Variants in PTPRM observed in about 807,000 individuals in gnomAD.
PTPRM encodes the protein protein tyrosine phosphatase receptor type M.
A neutral mutation model predicts 186.7 loss-of-function variants in PTPRM; 47 were observed. That is an observed-to-expected ratio of 0.25 (90% confidence interval 0.20 to 0.32). The LOEUF (loss-of-function observed/expected upper bound fraction) is 0.32, where lower values mean the gene tolerates loss of function less well. PTPRM is among the 10% of genes least tolerant of loss of function. The pLI is 1.00. For synonymous variants in PTPRM, 668 were observed against 674.9 expected (o/e 0.99, Z 0.16); for missense variants, 1,494 against 1,865.0 (o/e 0.80, Z 3.66).
In PTPRM at chr18:7,612,398, C is replaced by G. The variant is rs548227662; in HGVS notation, c.73+44507C>G. On this transcript the variant is annotated intron_variant, in intron 1 of 32. Transcript: ENST00000580170. ...TTTCACTGCATCAGATAATTTAAGT[C>G]TACGTTCTGGGCATTCCTCATGCCG... 3.3e-5 allele frequency among the ~76,000 whole-genome samples: 5 copies of G among 152,182 alleles called. No homozygotes were observed. In the South Asian group the frequency reaches 1.0e-3, roughly 32 times the overall value.
chr18:7,922,457 A>C (rs1424646772), intron 4 of PTPRM, among the ~76,000 whole-genome samples: 3 of 152,186 alleles, frequency 2.0e-5, no homozygotes, highest in African/African-American at 7.2e-5. Flanking sequence ...AATAGTGGGG[A>C]AATTGTTTAC....
chr18:8,258,963 G>T (rs1430260551), intron 19 of PTPRM, among the ~76,000 whole-genome samples: 1 of 151,064 alleles, frequency 6.6e-6, no homozygotes, highest in Non-Finnish European at 1.5e-5. Flanking sequence ...TGTTTGTTTT[G>T]TTTTTGAGAC....
chr18:8,105,123 G>A (rs2091458544), intron 11 of PTPRM, among the ~76,000 whole-genome samples: 1 of 152,082 alleles, frequency 6.6e-6, no homozygotes, highest in African/African-American at 2.4e-5. Context: ...ATTCATTGAG[G>A]TACACATAGG....
At chr18:7,870,669 T>C (rs1412373284) in intron 2 of PTPRM, among the ~76,000 whole-genome samples, 2 of 152,206 alleles carry the variant, frequency 1.3e-5, no homozygotes, top group Non-Finnish European at 2.9e-5. Flanking sequence ...TGATAGACAA[T>C]TTTAAATATT....
At chr18:8,030,226 G>A (rs546922631) in intron 7 of PTPRM, among the ~76,000 whole-genome samples, 1 of 152,170 alleles carries the variant, frequency 6.6e-6, no homozygotes, top group South Asian at 2.1e-4. Context: ...CATAAAAGAA[G>A]ACACTTTTTG....
At chr18:7,957,573 A>C (rs1169524166) in intron 7 of PTPRM, among the ~76,000 whole-genome samples, 1 of 152,112 alleles carries the variant, frequency 6.6e-6, no homozygotes, top group Non-Finnish European at 1.5e-5. Context: ...ACCCTTAGAA[A>C]ATGGAGAGAG....
At chr18:7,792,458 T>C (rs931356780) in intron 2 of PTPRM, among the ~76,000 whole-genome samples, 3 of 152,156 alleles carry the variant, frequency 2.0e-5, no homozygotes, top group Non-Finnish European at 2.9e-5. Flanking sequence ...TTTGCCTGTT[T>C]TCTCCTGTCT....
intron 7 of PTPRM, among the ~76,000 whole-genome samples, chr18:7,960,576 C>T (rs1016383301): frequency 3.3e-5 from 5 of 151,396 alleles, no homozygotes; most frequent in Non-Finnish European, 5.9e-5. Flanking sequence ...CATAGCAAGA[C>T]TCCATTGCTA....
chr18:7,671,044 T>C (rs1179272525), intron 1 of PTPRM, among the ~76,000 whole-genome samples: 3 of 152,262 alleles, frequency 2.0e-5, no homozygotes, highest in Non-Finnish European at 4.4e-5. Context: ...AAGAAATTGT[T>C]GTTTAAAGAT....
In PTPRM at chr18:8,390,992, A is replaced by G. The variant is rs77253803; in HGVS notation, c.4209-3484A>G. Among the ~76,000 whole-genome samples the G allele has an allele frequency of 5.8e-3, 873 of 151,114 alleles. 5 individuals are homozygous for G. Among genetic ancestry groups the G allele is most frequent in the African/African-American group, 0.02 (816 of 41,304 alleles). On this transcript the variant is annotated intron_variant, in intron 31 of 32. Coordinates refer to ENST00000580170, the MANE Select transcript of PTPRM (RefSeq NM_001105244.2). ...ATAAAGATGTCCCGAATAGCCAATG[A>G]GCATAGAAAAGTTACTCAATATTAT...
chr18:8,381,290 C>T (rs1429424314), intron 29 of PTPRM, among the ~76,000 whole-genome samples: 4 of 148,480 alleles, frequency 2.7e-5, no homozygotes, highest in Admixed American at 6.8e-5. Flanking sequence ...TTGACCTTAG[C>T]GTGTTTTAAG....
At chr18:7,660,973 AAAAG>A (rs1243148119) in intron 1 of PTPRM, among the ~76,000 whole-genome samples, 2 of 151,910 alleles carry the variant, frequency 1.3e-5, no homozygotes, top group Non-Finnish European at 2.9e-5. Flanking sequence ...TCCATCTCAA[AAAAG>A]AAAGAAAAAA....
intron 1 of PTPRM, among the ~76,000 whole-genome samples, chr18:7,750,197 G>A (rs1284502639): frequency 6.6e-6 from 1 of 152,058 alleles, no homozygotes; most frequent in Non-Finnish European, 1.5e-5. Context: ...AAATACCATG[G>A]TTTAAGTTTA....
chr18:8,364,025 G>C (rs1169568267), intron 23 of PTPRM, among the ~76,000 whole-genome samples: 1 of 152,138 alleles, frequency 6.6e-6, no homozygotes, highest in East Asian at 1.9e-4. Context: ...CATGAAAGAG[G>C]GATTTACTTA....
intron 22 of PTPRM, among the ~76,000 whole-genome samples, chr18:8,341,200 TAAGTCGAGA>T (rs2095472511): frequency 6.6e-6 from 1 of 152,226 alleles, no homozygotes; most frequent in Admixed American, 6.5e-5. Flanking sequence ...CTTAGAAATG[TAAGTCGAGA>T]AAGGGAATCA....
Position 8,095,417 on chromosome 18 carries a change from G to C in PTPRM, c.1856+6566G>C, listed in dbSNP as rs1011279809. Among the ~76,000 whole-genome samples, 4 of 152,234 alleles carry C rather than the reference G, an allele frequency of 2.6e-5. No homozygotes were observed. In the South Asian group the frequency reaches 8.3e-4, roughly 32 times the overall value. ...GCTCCATGAAGACAGGGAGGACTGA[G>C]TTTGGCCTGATCTGAGAATGAGAAG... On this transcript the variant is annotated intron_variant, in intron 11 of 32. Coordinates refer to ENST00000580170, the MANE Select transcript of PTPRM (RefSeq NM_001105244.2).
At chr18:8,024,681 C>CTTTTTTTTT (rs397724573) in intron 7 of PTPRM, among the ~76,000 whole-genome samples, 11 of 124,826 alleles carry the variant, frequency 8.8e-5, no homozygotes, top group South Asian at 2.7e-4. Flanking sequence ...AAACCCAAAT[C>CTTTTTTTTT]TTTTTTTTTT....
intron 8 of PTPRM, among the ~76,000 whole-genome samples, chr18:8,075,799 G>C (rs2089775953): frequency 1.3e-5 from 2 of 151,918 alleles, no homozygotes; most frequent in South Asian, 2.1e-4. Context: ...AGATATATTA[G>C]TACAGTAGTT....
chr18:7,978,581 C>T (rs867113947), intron 7 of PTPRM, among the ~76,000 whole-genome samples: 2 of 152,142 alleles, frequency 1.3e-5, no homozygotes, highest in Non-Finnish European at 1.5e-5. Flanking sequence ...TGCTAACTTA[C>T]GAGGCGAATG....
Sources: gnomAD v4.1 joint callset for allele counts (sites outside exome capture counted in the v4.1 genomes callset) on GRCh38, gnomAD v4.1.1 for gene constraint, MANE v1.5 for transcripts, NCBI Gene and HGNC (gene_info 2026-07-23, HGNC 2026-07-21) for gene names.